ADK: variants seen among roughly 807,000 people sequenced by gnomAD.
ADK encodes the protein N6,N6-dimethyladenosine kinase.
Under a neutral mutation model 44.7 loss-of-function variants are expected in ADK, and 24 were observed. The observed-to-expected ratio is 0.54, with a 90% confidence interval of 0.39 to 0.76. The LOEUF (loss-of-function observed/expected upper bound fraction) is 0.76, where lower values mean the gene tolerates loss of function less well. Ranked by LOEUF, ADK falls within the 30% of genes least tolerant of loss-of-function variation. The probability of loss-of-function intolerance (pLI) is 0.00; values close to 1 mark genes in which losing one functional copy is unlikely to be tolerated. For missense variants in ADK, 321 were observed against 425.1 expected (o/e 0.76, Z 2.15); for synonymous variants, 128 against 142.6 (o/e 0.90, Z 0.73).
At chr10:74,565,087 T>C (rs1353341133) in intron 7 of ADK, among the ~76,000 whole-genome samples, 5 of 152,222 alleles carry the variant, frequency 3.3e-5, no homozygotes, top group Non-Finnish European at 5.9e-5. Context: ...TTGCTAAGTA[T>C]TAGTAACATG....
chr10:74,176,556 T>G (rs1842344974), intron 1 of ADK: 1 of 1,333,814 alleles, frequency 7.5e-7, no homozygotes, highest in African/African-American at 1.5e-5. Flanking sequence ...ACGCTGTTAC[T>G]AGGACTCAAG....
intron 1 of ADK, among the ~76,000 whole-genome samples, chr10:74,153,893 C>T (rs916885744): frequency 5.3e-5 from 8 of 152,312 alleles, no homozygotes; most frequent in Non-Finnish European, 7.3e-5. Flanking sequence ...TCTTTTCCTT[C>T]AGTTTGTCTT....
chr10:74,553,190 G>GTTTTTTTTTTTTTTTTTTTTTTT (rs386371837), intron 7 of ADK, among the ~76,000 whole-genome samples: 1 of 60,418 alleles, frequency 1.7e-5, no homozygotes, highest in African/African-American at 7.0e-5. Context: ...AGCACATTGT[G>GTTTTTTTTTTTTTTTTTTTTTTT]TTTTTTTTTT....
intron 4 of ADK, 91 bp downstream of exon 4, chr10:74,314,836 C>T (rs1840561268): frequency 3.1e-6 from 3 of 970,874 alleles, no homozygotes; most frequent in Non-Finnish European, 1.6e-6. Context: ...TATTGTGTTG[C>T]TGTAGAATAG....
At chr10:74,294,533 T>C (rs1839743078) in intron 3 of ADK, among the ~76,000 whole-genome samples, 1 of 152,160 alleles carries the variant, frequency 6.6e-6, no homozygotes, top group Non-Finnish European at 1.5e-5. Context: ...GTGATCTGCC[T>C]GCCTTGGCCT....
At chr10:74,612,416 T>C (rs75499152) in intron 9 of ADK, among the ~76,000 whole-genome samples, 6,857 of 152,194 alleles carry the variant, frequency 0.045, 492 homozygotes, top group African/African-American at 0.15. Flanking sequence ...TCACCATGCC[T>C]AGCTGTATGT....
chr10:74,554,064 C>G (rs1200353959), intron 7 of ADK, among the ~76,000 whole-genome samples: 1 of 152,122 alleles, frequency 6.6e-6, no homozygotes, highest in African/African-American at 2.4e-5. Flanking sequence ...ATTGCATATG[C>G]TTTTATATTG....
At chr10:74,603,802 C>T (rs989743504) in intron 9 of ADK, among the ~76,000 whole-genome samples, 13 of 152,166 alleles carry the variant, frequency 8.5e-5, no homozygotes, top group Non-Finnish European at 1.6e-4. Flanking sequence ...ATTTCCTGTT[C>T]TAGATCCTTG....
chr10:74,691,708 G>T (rs1208475733), intron 10 of ADK, among the ~76,000 whole-genome samples: 2 of 52,076 alleles, frequency 3.8e-5, no homozygotes, highest in East Asian at 1.2e-3. Context: ...AGTTGACAAA[G>T]CACGCAACAG....
chr10:74,416,033 TACACACACACAC>T (rs71475283), intron 6 of ADK, among the ~76,000 whole-genome samples: 24 of 145,424 alleles, frequency 1.7e-4, no homozygotes, highest in East Asian at 6.0e-4. Flanking sequence ...CATACATATA[TACACACACACAC>T]ACACACACAC....
At chr10:74,527,832 T>G (rs1181158571) in intron 7 of ADK, 1 of 1,227,274 alleles carries the variant, frequency 8.1e-7, no homozygotes, top group Non-Finnish European at 1.2e-6. Context: ...CCCTCTTGCT[T>G]CCAAGTGTCT....
At chr10:74,505,238 A>T (rs773438067) in intron 6 of ADK, among the ~76,000 whole-genome samples, 1 of 152,142 alleles carries the variant, frequency 6.6e-6, no homozygotes, top group Non-Finnish European at 1.5e-5. Context: ...CTATCCTTCC[A>T]CCTTTTGCTT....
At chr10:74,434,361 T>C (rs1348130194) in intron 6 of ADK, among the ~76,000 whole-genome samples, 1 of 152,204 alleles carries the variant, frequency 6.6e-6, no homozygotes, top group Non-Finnish European at 1.5e-5. Context: ...GAATGAAATA[T>C]AAAATTTGAG....
chr10:74,294,068 A>AT (rs1321627258), intron 3 of ADK, among the ~76,000 whole-genome samples: 2 of 152,188 alleles, frequency 1.3e-5, no homozygotes, highest in Non-Finnish European at 2.9e-5. Flanking sequence ...GCTCATCATT[A>AT]TAAGCTTTAT....
chr10:74,506,996 G>T (rs981081066), intron 6 of ADK, among the ~76,000 whole-genome samples: 1 of 152,116 alleles, frequency 6.6e-6, no homozygotes, highest in African/African-American at 2.4e-5. Flanking sequence ...AACCCAAGTT[G>T]TACAAGGGTC....
intron 9 of ADK, among the ~76,000 whole-genome samples, chr10:74,656,863 T>C (rs932635997): frequency 2.0e-5 from 3 of 152,142 alleles, no homozygotes; most frequent in Admixed American, 2.0e-4. Flanking sequence ...GTGGTGTTTG[T>C]TTTGTTTTGT....
intron 4 of ADK, among the ~76,000 whole-genome samples, chr10:74,368,911 G>A (rs530995365): frequency 2.6e-5 from 4 of 152,176 alleles, no homozygotes; most frequent in East Asian, 3.9e-4. Flanking sequence ...TAACAGACAC[G>A]AGCCACCGCA....
chr10:74,484,503 T>A lies in ADK; in HGVS notation c.556-40753T>A, dbSNP rs1451166951. On this transcript the variant is annotated intron_variant, in intron 6 of 10. Coordinates refer to ENST00000539909, the MANE Select transcript of ADK (RefSeq NM_006721.4). Reference sequence around the variant, plus strand: ...AATATACTCTGCTTATAAACTGAAATTTTTAATATTATTTAAAATGTCAAT... The same window carrying A: ...AATATACTCTGCTTATAAACTGAAAATTTTAATATTATTTAAAATGTCAAT... Among the ~76,000 whole-genome samples the A allele has an allele frequency of 2.0e-5, 3 of 152,190 alleles. No homozygotes were observed. The South Asian group carries it at 6.2e-4, about 32-fold the overall frequency.
At chr10:74,548,003 A>G (rs1371973565) in intron 7 of ADK, among the ~76,000 whole-genome samples, 1 of 150,812 alleles carries the variant, frequency 6.6e-6, no homozygotes, top group Non-Finnish European at 1.5e-5. Context: ...CATGTTGGCC[A>G]TGACGGTCTC....
Sources: allele counts gnomAD v4.1 joint callset (sites outside exome capture counted in the v4.1 genomes callset), GRCh38; gene constraint gnomAD v4.1.1; transcripts MANE v1.5; gene names NCBI Gene and HGNC (gene_info 2026-07-23, HGNC 2026-07-21).